The following BAZ1A variants were observed in gnomAD, a reference collection of about 807,000 sequenced individuals.
The protein encoded by BAZ1A is bromodomain adjacent to zinc finger domain protein 1A.
A neutral mutation model predicts 185.2 loss-of-function variants in BAZ1A; 50 were observed. That is an observed-to-expected ratio of 0.27 (90% CI 0.22 to 0.34). BAZ1A has a LOEUF of 0.34. Ranked by LOEUF, BAZ1A falls within the 10% of genes least tolerant of loss-of-function variation. The pLI is 1.00. For missense variants in BAZ1A, 1,356 were observed against 1,839.9 expected (o/e 0.74, Z 4.81); for synonymous variants, 571 against 615.6 (o/e 0.93, Z 1.07).
intron 3 of BAZ1A, among the ~76,000 whole-genome samples, chr14:34,830,131 C>G (rs1594883423): frequency 6.6e-6 from 1 of 152,162 alleles, no homozygotes; most frequent in Non-Finnish European, 1.5e-5. Context: ...CCCTGTAATT[C>G]CGCTTTTAGC....
chr14:34,765,371 CT>C, intron 21 of BAZ1A, 103 bp from the exon 22 acceptor site: 1 of 1,382,698 alleles, frequency 7.2e-7, no homozygotes, highest in South Asian at 1.4e-5. Context: ...TTTTACATTT[CT>C]TTTCTTCTGA....
At position 34,800,624 on chromosome 14, in the gene BAZ1A, T is replaced by A. The variant is rs1482388930; in HGVS notation, c.962-234A>T. The stretch of plus-strand genomic sequence containing the variant: ...ATATCTGTGCCTTTGAAAGCCCTAA[T>A]ACCCAAAGTGTGATCTGAAGACCAG... On this transcript the variant is annotated intron_variant, in intron 8 of 26. Coordinates refer to ENST00000360310, the MANE Select transcript of BAZ1A (RefSeq NM_013448.3). Among the ~76,000 whole-genome samples, 6 of 152,308 alleles carry A rather than the reference T, an allele frequency of 3.9e-5. No individual in the cohort carries two copies. In the South Asian group the frequency reaches 1.2e-3, roughly 32 times the overall value.
Position 34,862,035 on chromosome 14 carries a change from G to A in BAZ1A, c.392+9C>T, listed in dbSNP as rs1248691859. Reference sequence around the variant, plus strand: ...AACTTACCAAGAGGAAAAATTAAAAGTACTTTACCTTGCACCATTGTTCCT... The same window carrying A: ...AACTTACCAAGAGGAAAAATTAAAAATACTTTACCTTGCACCATTGTTCCT... On this transcript the variant is annotated intron_variant, in intron 3 of 26. Coordinates refer to ENST00000360310, the MANE Select transcript of BAZ1A (RefSeq NM_013448.3). The A allele has an allele frequency of 1.2e-6, 2 of 1,610,300 alleles. No individual in the cohort carries two copies. Among genetic ancestry groups the A allele is most frequent in the Non-Finnish European group, 1.7e-6 (2 of 1,177,750 alleles).
chr14:34,861,759 T>A (rs866006127), intron 3 of BAZ1A, among the ~76,000 whole-genome samples: 22 of 152,332 alleles, frequency 1.4e-4, no homozygotes, highest in African/African-American at 2.2e-4. Flanking sequence ...GTATGTATGT[T>A]CTTTTGCATT....
chr14:34,815,003 G>C (rs2041984778), intron 4 of BAZ1A, among the ~76,000 whole-genome samples: 1 of 151,888 alleles, frequency 6.6e-6, no homozygotes, highest in Admixed American at 6.6e-5. Flanking sequence ...TCGAACTCCT[G>C]ACCTCAGGTA....
intron 3 of BAZ1A, among the ~76,000 whole-genome samples, chr14:34,856,993 G>C (rs1269458008): frequency 6.6e-6 from 1 of 151,314 alleles, no homozygotes; most frequent in South Asian, 2.1e-4. Context: ...ACTTCCTGAG[G>C]CTTCTGCATC....
At chr14:34,789,903 G>A (rs1379460111) in intron 12 of BAZ1A, among the ~76,000 whole-genome samples, 1 of 152,196 alleles carries the variant, frequency 6.6e-6, no homozygotes, top group Non-Finnish European at 1.5e-5. Context: ...GCTTGAACTT[G>A]TATCCCATCA....
At position 34,810,927 on chromosome 14, in the gene BAZ1A, A is replaced by T; in HGVS notation, c.638+8T>A. 1 of 1,574,368 alleles carries T rather than the reference A, an allele frequency of 6.4e-7. No individual in the cohort carries two copies. Among genetic ancestry groups the T allele is most frequent in the Non-Finnish European group, 8.7e-7 (1 of 1,147,442 alleles). On this transcript the variant is annotated splice_region_variant and intron_variant, in intron 5 of 26. Coordinates refer to ENST00000360310, the MANE Select transcript of BAZ1A (RefSeq NM_013448.3). ...TTAAACTACTATTGAGAAGATAGTG[A>T]GTTTTACCTGATTTGTGTTGCTTTA...
chr14:34,805,823 T>TGG (rs1881825329), intron 6 of BAZ1A, among the ~76,000 whole-genome samples: 1 of 152,170 alleles, frequency 6.6e-6, no homozygotes, highest in Non-Finnish European at 1.5e-5. Context: ...ATTTGCGTTC[T>TGG]TCATTGTATT....
intron 3 of BAZ1A, among the ~76,000 whole-genome samples, chr14:34,840,556 C>T (rs531719107): frequency 2.6e-4 from 39 of 151,960 alleles, no homozygotes; most frequent in Non-Finnish European, 4.4e-4. Flanking sequence ...GTCAGAAATT[C>T]GAGACTAGCC....
At chr14:34,784,441 C>T (rs928927561) in intron 14 of BAZ1A, among the ~76,000 whole-genome samples, 9 of 147,614 alleles carry the variant, frequency 6.1e-5, no homozygotes, top group Non-Finnish European at 1.3e-4. Flanking sequence ...TGAGGCATTT[C>T]AAATGTCTAT....
intron 9 of BAZ1A, among the ~76,000 whole-genome samples, chr14:34,797,494 G>A (rs1478572346): frequency 6.6e-6 from 1 of 152,092 alleles, no homozygotes; most frequent in Non-Finnish European, 1.5e-5. Flanking sequence ...GGGAGGCAGA[G>A]GTTGCAGTGA....
intron 26 of BAZ1A, 50 bp downstream of exon 26, chr14:34,754,777 A>T (rs200842736): frequency 7.1e-5 from 95 of 1,336,314 alleles, no homozygotes; most frequent in Middle Eastern, 2.1e-4. Context: ...AGATGCTATA[A>T]CAAAATGCCT....
chr14:34,781,797 G>T (rs147893534), intron 16 of BAZ1A, among the ~76,000 whole-genome samples: 1 of 152,196 alleles, frequency 6.6e-6, no homozygotes, highest in African/African-American at 2.4e-5. Context: ...GCAATTGGTC[G>T]TGAGTAGCTT....
chr14:34,766,537 C>T (rs1878853302), intron 21 of BAZ1A, among the ~76,000 whole-genome samples: 1 of 152,068 alleles, frequency 6.6e-6, no homozygotes, highest in African/African-American at 2.4e-5. Flanking sequence ...GAAAGCTACC[C>T]CTTCAAGTGT....
chr14:34,866,760 C>T (rs902521242), intron 2 of BAZ1A, among the ~76,000 whole-genome samples: 3 of 151,886 alleles, frequency 2.0e-5, no homozygotes, highest in African/African-American at 4.8e-5. Context: ...AATTATACTT[C>T]AAATCTAAAC....
intron 24 of BAZ1A, among the ~76,000 whole-genome samples, chr14:34,759,171 G>GT (rs780287749): frequency 0.067 from 4,428 of 66,410 alleles, 1,065 homozygotes; most frequent in East Asian, 0.3. Context: ...TACAGCTACA[G>GT]TTTTTTTTTT....
intron 10 of BAZ1A, 23 bp from the exon 11 acceptor site, chr14:34,794,910 T>C (rs1881098134): frequency 1.9e-6 from 3 of 1,604,108 alleles, no homozygotes; most frequent in Non-Finnish European, 2.5e-6. Flanking sequence ...ACAATTTATA[T>C]AACTATTTGA....
chr14:34,795,779 A>T lies in BAZ1A; in HGVS notation c.1129-14T>A, dbSNP rs538023235. 3 of 1,586,028 alleles carry T rather than the reference A, an allele frequency of 1.9e-6. No individual in the cohort carries two copies. The South Asian group carries it at 3.4e-5, about 18-fold the overall frequency. The stretch of plus-strand genomic sequence containing the variant: ...CTTCTCTCTTTCCTAGAAATTTTTA[A>T]AAGTTAATAACAATTCATGTAAGAA... On this transcript the variant is annotated splice_polypyrimidine_tract_variant and intron_variant, in intron 9 of 26. Coordinates refer to ENST00000360310, the MANE Select transcript of BAZ1A (RefSeq NM_013448.3).
Sources: gnomAD v4.1 joint callset for allele counts (sites outside exome capture counted in the v4.1 genomes callset) on GRCh38, gnomAD v4.1.1 for gene constraint, MANE v1.5 for transcripts, NCBI Gene and HGNC (gene_info 2026-07-23, HGNC 2026-07-21) for gene names.